The following PID1 variants were observed in gnomAD, a reference collection of about 807,000 sequenced individuals.
PID1 encodes the protein PTB-containing, cubilin and LRP1-interacting protein.
In PID1, 10 loss-of-function variants were observed where a neutral mutation model predicts 19.1. That is an observed-to-expected ratio of 0.52 (90% confidence interval 0.32 to 0.89). The LOEUF (loss-of-function observed/expected upper bound fraction) is 0.89, where lower values mean the gene tolerates loss of function less well. Among genes scored for constraint, PID1 ranks in the 40% least tolerant of loss-of-function variants. The pLI, the probability that PID1 is intolerant of heterozygous loss-of-function variation, is 0.03. For synonymous variants in PID1, 130 were observed against 116.0 expected, an observed-to-expected ratio of 1.12 and a Z score of -0.78; for missense variants, 248 against 285.3, an observed-to-expected ratio of 0.87 and a Z score of 0.94.
At chr2:229,041,388 C>T (rs1402543100) in intron 2 of PID1, among the ~76,000 whole-genome samples, 1 of 152,078 alleles carries the variant, frequency 6.6e-6, no homozygotes, top group African/African-American at 2.4e-5. Flanking sequence ...TTACAACCCA[C>T]AGAATGGGTA....
chr2:229,101,466 TGC>T (rs1695072302), intron 2 of PID1, among the ~76,000 whole-genome samples: 2 of 152,200 alleles, frequency 1.3e-5, no homozygotes, highest in Non-Finnish European at 2.9e-5. Context: ...CACAGCACAC[TGC>T]CATGCCTTGA....
chr2:229,261,756 A>G (rs934349322), intron 1 of PID1, among the ~76,000 whole-genome samples: 5 of 152,198 alleles, frequency 3.3e-5, no homozygotes, highest in Non-Finnish European at 7.3e-5. Flanking sequence ...CACTCTCAGA[A>G]AGAGACACTG....
intron 2 of PID1, among the ~76,000 whole-genome samples, chr2:229,134,494 G>T (rs1689818637): frequency 6.6e-6 from 1 of 151,300 alleles, no homozygotes; most frequent in African/African-American, 2.4e-5. Flanking sequence ...CGCCCACCTT[G>T]GCCTCCCAAA....
At chr2:229,138,725 G>A (rs1234990587) in intron 2 of PID1, among the ~76,000 whole-genome samples, 1 of 151,910 alleles carries the variant, frequency 6.6e-6, no homozygotes, top group Non-Finnish European at 1.5e-5. Flanking sequence ...CTCCATCACA[G>A]AAGAAACATC....
chr2:229,029,181 T>C (rs1693490568), intron 2 of PID1, among the ~76,000 whole-genome samples: 1 of 151,240 alleles, frequency 6.6e-6, no homozygotes, highest in Non-Finnish European at 1.5e-5. Flanking sequence ...ACACGCAATT[T>C]ACCCATGTAA....
At chr2:229,105,207 T>A (rs1027028798) in intron 2 of PID1, among the ~76,000 whole-genome samples, 4 of 152,208 alleles carry the variant, frequency 2.6e-5, no homozygotes, top group African/African-American at 9.6e-5. Context: ...GGAATTTCCA[T>A]GAGCCAGGGA....
rs117393428 is a variant in PID1, at chr2:229,110,970, T to C, written c.177+44848A>G. Among the ~76,000 whole-genome samples the C allele has an allele frequency of 5.6e-3, 858 of 152,248 alleles. 37 individuals are homozygous for C. The East Asian group carries it at 0.12, about 21-fold the overall frequency. On this transcript the variant is annotated intron_variant, in intron 2 of 2. Transcript: ENST00000392055. ...GTGGGAGAGACCTGATGGGAGATAA[T>C]TGAATCATGGGGACGGTTTCCCCAT...
Position 229,040,173 on chromosome 2 carries a change from C to T in PID1, c.178-14065G>A, listed in dbSNP as rs536309638. On this transcript the variant is annotated intron_variant, in intron 2 of 2. Transcript: ENST00000392055. Reference sequence around the variant, plus strand: ...GTGGCTCACGCCAGCAATCCCAGCACATTGGGAAGCTGAGGAGGGCGGATC... The same window carrying T: ...GTGGCTCACGCCAGCAATCCCAGCATATTGGGAAGCTGAGGAGGGCGGATC... Among the ~76,000 whole-genome samples the T allele has an allele frequency of 5.4e-5, 8 of 148,552 alleles. No individual in the cohort carries two copies. In the South Asian group the frequency reaches 1.5e-3, roughly 27 times the overall value.
intron 1 of PID1, among the ~76,000 whole-genome samples, chr2:229,209,904 T>C (rs1042655208): frequency 6.6e-6 from 1 of 152,194 alleles, no homozygotes; most frequent in Non-Finnish European, 1.5e-5. Flanking sequence ...TAGGATCACA[T>C]TGATAGCAGG....
chr2:229,101,659 AAG>A (rs1695077356), intron 2 of PID1, among the ~76,000 whole-genome samples: 1 of 152,190 alleles, frequency 6.6e-6, no homozygotes, highest in African/African-American at 2.4e-5. Context: ...AGAGAAGCTA[AAG>A]AGTTTGCCCA....
chr2:229,046,345 A>C lies in PID1; in HGVS notation c.178-20237T>G, dbSNP rs1300747325. On this transcript the variant is annotated intron_variant, in intron 2 of 2. Transcript: ENST00000392055. Reference sequence around the variant, plus strand: ...GAAACTTCAGCATCCCTAAATTAGGAAAGTGTGTGTGTGTGTGTGTGTGTG... The same window carrying C: ...GAAACTTCAGCATCCCTAAATTAGGCAAGTGTGTGTGTGTGTGTGTGTGTG... Among the ~76,000 whole-genome samples the C allele has an allele frequency of 4.0e-5, 5 of 125,266 alleles. No individual in the cohort carries two copies. The East Asian group carries it at 1.2e-3, about 30-fold the overall frequency. 82.2% of individuals were successfully genotyped at this position (125,266 alleles called of 152,430 possible). A position where few individuals can be genotyped will look rare whatever the true frequency, so the allele number is the denominator to read the frequency against.
chr2:229,165,901 G>A (rs775332717), intron 1 of PID1, among the ~76,000 whole-genome samples: 1 of 152,114 alleles, frequency 6.6e-6, no homozygotes, highest in Non-Finnish European at 1.5e-5. Flanking sequence ...TACTAGAATG[G>A]ATGAGTTTAG....
chr2:229,055,596 T>C (rs1166188192), intron 2 of PID1, among the ~76,000 whole-genome samples: 1 of 152,200 alleles, frequency 6.6e-6, no homozygotes, highest in Non-Finnish European at 1.5e-5. Flanking sequence ...CCCCAGACAT[T>C]TGTATCTTTT....
At position 229,034,673 on chromosome 2, in the gene PID1, G is replaced by A. The variant is rs141039580; in HGVS notation, c.178-8565C>T. 2.6e-5 allele frequency among the ~76,000 whole-genome samples: 4 copies of A among 152,154 alleles called. No homozygotes were observed. The East Asian group carries it at 5.8e-4, about 22-fold the overall frequency. On this transcript the variant is annotated intron_variant, in intron 2 of 2. Transcript: ENST00000392055. ...TGGAGACACCCATAACAATAGCAAA[G>A]GGGAGTGGTAATCTGGGAACTATTT... is the stretch of plus-strand genomic sequence containing the variant.
intron 1 of PID1, among the ~76,000 whole-genome samples, chr2:229,233,132 T>G (rs1692250619): frequency 6.6e-6 from 1 of 152,112 alleles, no homozygotes; most frequent in Admixed American, 6.5e-5. Context: ...CATAAATTCC[T>G]TAGTTTAATT....
intron 2 of PID1, among the ~76,000 whole-genome samples, chr2:229,066,469 G>C (rs1002189350): frequency 6.6e-6 from 1 of 152,064 alleles, no homozygotes. Flanking sequence ...GCCAATTTTT[G>C]AAAACCATTC....
At chr2:229,220,831 T>G (rs1488219809) in intron 1 of PID1, among the ~76,000 whole-genome samples, 1 of 152,212 alleles carries the variant, frequency 6.6e-6, no homozygotes, top group Non-Finnish European at 1.5e-5. Context: ...GCTATTTAGC[T>G]TAAAACTGAC....
rs1019724158 is a variant in PID1 at position 229,111,140 on chromosome 2, C to A, written c.177+44678G>T. ...TTCCACCATGATTATGAGGCCTCCC[C>A]AGCCACATGGAACTGTGAGTCCATT... On this transcript the variant is annotated intron_variant, in intron 2 of 2. Transcript: ENST00000392055. 2.0e-5 allele frequency among the ~76,000 whole-genome samples: 3 copies of A among 152,146 alleles called. No individual in the cohort carries two copies. In the East Asian group the frequency reaches 5.8e-4, roughly 29 times the overall value.
chr2:229,214,468 C>T (rs1240745753), intron 1 of PID1, among the ~76,000 whole-genome samples: 2 of 151,992 alleles, frequency 1.3e-5, no homozygotes, highest in Non-Finnish European at 2.9e-5. Context: ...TTGAAGGCTT[C>T]ATCAATTAAA....
Sources: gnomAD v4.1 joint callset for allele counts (sites outside exome capture counted in the v4.1 genomes callset) on GRCh38, gnomAD v4.1.1 for gene constraint, MANE v1.5 for transcripts, NCBI Gene and HGNC (gene_info 2026-07-23, HGNC 2026-07-21) for gene names.